PRIM2: variants seen among roughly 807,000 people sequenced by gnomAD.
PRIM2 encodes DNA primase subunit 2, also known as DNA primase large subunit.
PRIM2 carries 39 observed loss-of-function variants against 67.3 expected under a neutral mutation model. The ratio of observed to expected loss-of-function variants is 0.58; its 90% CI spans 0.45 to 0.76. The LOEUF (loss-of-function observed/expected upper bound fraction) is 0.76. PRIM2 is among the 30% of genes least tolerant of loss of function. The probability of loss-of-function intolerance (pLI) is 0.00; values close to 1 mark genes in which losing one functional copy is unlikely to be tolerated. For missense variants in PRIM2, 398 were observed against 598.7 expected, an observed-to-expected ratio of 0.66 and a Z score of 3.50; for synonymous variants, 143 against 198.7, an observed-to-expected ratio of 0.72 and a Z score of 2.36.
In PRIM2 at chr6:57,646,265, C is replaced by T; in HGVS notation, c.*107C>T. 1 of 634,306 alleles carries T rather than the reference C, an allele frequency of 1.6e-6. No individual in the cohort carries two copies. The highest frequency in any genetic ancestry group is 2.8e-6 in the Non-Finnish European group (1 of 361,420). The allele number at this position is 634,306 out of a possible 1,614,324, so 39.3% of individuals were successfully genotyped here. On this transcript the variant is annotated 3_prime_UTR_variant, in exon 14 of 14. Coordinates refer to ENST00000615550, the MANE Select transcript of PRIM2 (RefSeq NM_000947.5). ...CTGTCACCAAGGCTTAGTGCAGTGA[C>T]ACAATTACAGCTGATTGCAGCCTTG...
At chr6:57,486,372 C>G (rs1773753971) in intron 7 of PRIM2, among the ~76,000 whole-genome samples, 1 of 152,218 alleles carries the variant, frequency 6.6e-6, no homozygotes, top group African/African-American at 2.4e-5. Context: ...AATTTGCAAC[C>G]TACGGCATGA....
the PRIM2 span, among the ~76,000 whole-genome samples, chr6:57,270,691 T>A: frequency 6.6e-6 from 1 of 152,182 alleles, no homozygotes; most frequent in Non-Finnish European, 1.5e-5. Flanking sequence ...AGAGAGGGCA[T>A]CCCTGTCTTG....
chr6:57,305,512 A>G, the PRIM2 span, among the ~76,000 whole-genome samples: 1 of 152,234 alleles, frequency 6.6e-6, no homozygotes, highest in East Asian at 1.9e-4. Context: ...GTTTCAGCTC[A>G]AACAGAGAGC....
At chr6:57,630,365 T>C (rs1777020809) in intron 12 of PRIM2, among the ~76,000 whole-genome samples, 1 of 152,110 alleles carries the variant, frequency 6.6e-6, no homozygotes, top group Non-Finnish European at 1.5e-5. Flanking sequence ...CAGGGGAAGA[T>C]TGTAGTGTGA....
chr6:57,634,010 A>G (rs1480896848), intron 13 of PRIM2, among the ~76,000 whole-genome samples: 1 of 152,212 alleles, frequency 6.6e-6, no homozygotes, highest in Non-Finnish European at 1.5e-5. Flanking sequence ...GCAAGATACT[A>G]TATGTATATT....
At chr6:57,350,128 G>A (rs1173877370) in intron 5 of PRIM2, among the ~76,000 whole-genome samples, 1 of 152,144 alleles carries the variant, frequency 6.6e-6, no homozygotes, top group African/African-American at 2.4e-5. Context: ...GATTAAGACT[G>A]ATTGTCTGTT....
intron 8 of PRIM2, among the ~76,000 whole-genome samples, chr6:57,531,103 G>A (rs1215446457): frequency 2.0e-5 from 3 of 152,192 alleles, no homozygotes; most frequent in Non-Finnish European, 2.9e-5. Flanking sequence ...ATGTGGTTCA[G>A]CAGGTAGAAT....
intron 7 of PRIM2, among the ~76,000 whole-genome samples, chr6:57,498,092 A>G (rs1461892030): frequency 6.6e-6 from 1 of 152,186 alleles, no homozygotes; most frequent in Non-Finnish European, 1.5e-5. Flanking sequence ...CCAGTAATAA[A>G]AGTGATAGTT....
chr6:57,266,737 C>T, the PRIM2 span, among the ~76,000 whole-genome samples: 4 of 152,154 alleles, frequency 2.6e-5, no homozygotes, highest in African/African-American at 4.8e-5. Flanking sequence ...TAGTCTATGT[C>T]GCCACAGCTT....
intron 4 of PRIM2, 87 bp from the exon 5 acceptor site, chr6:57,325,838 T>C (rs1767832308): frequency 7.4e-7 from 1 of 1,349,928 alleles, no homozygotes; most frequent in African/African-American, 1.5e-5. Context: ...ATCTTGCTGA[T>C]GTTTGAATAT....
the PRIM2 span, among the ~76,000 whole-genome samples, chr6:57,297,237 T>C: frequency 1.3e-5 from 2 of 151,128 alleles, no homozygotes; most frequent in African/African-American, 4.9e-5. Flanking sequence ...AGGTCAGGAG[T>C]TTGAGACCAG....
At chr6:57,360,855 A>C (rs1202502305) in intron 5 of PRIM2, among the ~76,000 whole-genome samples, 2 of 152,244 alleles carry the variant, frequency 1.3e-5, no homozygotes, top group Non-Finnish European at 2.9e-5. Flanking sequence ...GATAAGAACA[A>C]GTGACATATT....
At chr6:57,423,207 G>A (rs1320872997) in intron 7 of PRIM2, among the ~76,000 whole-genome samples, 1 of 152,030 alleles carries the variant, frequency 6.6e-6, no homozygotes, top group Non-Finnish European at 1.5e-5. Flanking sequence ...ATAATTTATG[G>A]TAGTTTTTTT....
At chr6:57,501,594 C>T (rs1260935419) in intron 7 of PRIM2, among the ~76,000 whole-genome samples, 2 of 152,226 alleles carry the variant, frequency 1.3e-5, no homozygotes, top group Non-Finnish European at 2.9e-5. Context: ...GCCACTGTGC[C>T]TGGCTGGATT....
the PRIM2 span, among the ~76,000 whole-genome samples, chr6:57,271,995 G>C: frequency 3.3e-5 from 5 of 152,170 alleles, no homozygotes; most frequent in African/African-American, 1.2e-4. Flanking sequence ...CTGAGAGACA[G>C]TTTGTTATAA....
intron 7 of PRIM2, among the ~76,000 whole-genome samples, chr6:57,484,305 T>G (rs1344086851): frequency 5.3e-5 from 8 of 152,332 alleles, no homozygotes; most frequent in African/African-American, 1.7e-4. Flanking sequence ...CACACAGATG[T>G]TGAAAGAGTA....
At chr6:57,312,602 T>A (rs183105938), upstream of PRIM2, among the ~76,000 whole-genome samples, 29 of 152,196 alleles carry the variant, frequency 1.9e-4, no homozygotes, top group South Asian at 4.1e-4. Flanking sequence ...CTTGTTTTTT[T>A]AAAAAAAGTT....
At chr6:57,287,399 C>A in the PRIM2 span, among the ~76,000 whole-genome samples, 1 of 152,164 alleles carries the variant, frequency 6.6e-6, no homozygotes, top group Non-Finnish European at 1.5e-5. Flanking sequence ...GAAAATGTGG[C>A]ACATATACAC....
In PRIM2 at chr6:57,606,283, A is replaced by T. The variant is rs2127492906; in HGVS notation, c.1148-92A>T. ...TTTATTAATAAGCTGTTAGACAATT[A>T]AGGGGAGCTTAGATGGTCTCTCGAG... is the stretch of plus-strand genomic sequence containing the variant. On this transcript the variant is annotated intron_variant, in intron 11 of 13. Coordinates refer to ENST00000615550, the MANE Select transcript of PRIM2 (RefSeq NM_000947.5). 3.2e-6 allele frequency: 3 copies of T among 927,606 alleles called. No homozygotes were observed. The East Asian group carries it at 7.9e-5, about 24-fold the overall frequency. 57.5% of individuals were successfully genotyped at this position (927,606 alleles called of 1,614,324 possible).
Sources: allele counts gnomAD v4.1 joint callset (sites outside exome capture counted in the v4.1 genomes callset), GRCh38; gene constraint gnomAD v4.1.1; transcripts MANE v1.5; gene names NCBI Gene and HGNC (gene_info 2026-07-23, HGNC 2026-07-21).